Variants in MALRD1 observed in about 807,000 individuals in gnomAD.
The protein encoded by MALRD1 is MAM and LDL receptor class A domain containing 1.
In MALRD1, 247 loss-of-function variants were observed where a neutral mutation model predicts 242.1. The observed-to-expected ratio is 1.02, with a 90% CI of 0.92 to 1.13. The LOEUF is 1.13. MALRD1 is among the 50% of genes most tolerant of loss of function. The pLI, the probability that MALRD1 is intolerant of heterozygous loss-of-function variation, is 0.00. For synonymous variants in MALRD1, 995 were observed against 866.6 expected, an observed-to-expected ratio of 1.15 and a Z score of -2.60; for missense variants, 2,989 against 2,533.1, an observed-to-expected ratio of 1.18 and a Z score of -3.86.
intron 36 of MALRD1, among the ~76,000 whole-genome samples, chr10:19,627,975 T>A (rs1194356998): frequency 6.6e-6 from 1 of 151,804 alleles, no homozygotes; most frequent in Non-Finnish European, 1.5e-5. Context: ...CAAAATTATG[T>A]AACAGATAAA....
At chr10:19,266,036 T>A (rs544520563) in intron 19 of MALRD1, among the ~76,000 whole-genome samples, 3 of 151,964 alleles carry the variant, frequency 2.0e-5, no homozygotes, top group African/African-American at 7.2e-5. Context: ...CTTCCTGTGC[T>A]CTTTTCTGGT....
At chr10:19,682,064 A>G (rs1352629101) in intron 36 of MALRD1, among the ~76,000 whole-genome samples, 2 of 152,038 alleles carry the variant, frequency 1.3e-5, no homozygotes, top group Non-Finnish European at 2.9e-5. Context: ...TTTACTTCAG[A>G]CTTATTAGAA....
At chr10:19,619,965 C>T (rs931330266) in intron 36 of MALRD1, among the ~76,000 whole-genome samples, 1 of 151,468 alleles carries the variant, frequency 6.6e-6, no homozygotes, top group Admixed American at 6.6e-5. Flanking sequence ...TGCAATGAGT[C>T]GTGATCGTGC....
rs551922715 is a variant in MALRD1, at chr10:19,494,441, A to G, written c.5158+2796A>G. Among the ~76,000 whole-genome samples, 3 of 152,316 alleles carry G rather than the reference A, an allele frequency of 2.0e-5. No homozygotes were observed. The South Asian group carries it at 6.2e-4, about 32-fold the overall frequency. On this transcript the variant is annotated intron_variant, in intron 30 of 39. Transcript: ENST00000454679. ...GGTTCTTAATCAGGTGAGATGGCTG[A>G]AATGGCACACATAGAATTCAGAATA...
rs145753506 is a variant in MALRD1, at chr10:19,095,111, A to G, written c.597+6926A>G. On this transcript the variant is annotated intron_variant, in intron 4 of 39. Transcript: ENST00000454679. Reference sequence around the variant, plus strand: ...TGATATAAATCATATCATTTGTTATATGGTAGATTTAGCACTTGCTTAAAT... The same window carrying G: ...TGATATAAATCATATCATTTGTTATGTGGTAGATTTAGCACTTGCTTAAAT... Among the ~76,000 whole-genome samples the G allele has an allele frequency of 3.7e-3, 564 of 152,298 alleles. 1 individual carries two copies. Among genetic ancestry groups the G allele is most frequent in the Non-Finnish European group, 5.5e-3 (376 of 68,018 alleles).
At chr10:19,370,392 T>C (rs1276982609) in intron 26 of MALRD1, among the ~76,000 whole-genome samples, 1 of 152,138 alleles carries the variant, frequency 6.6e-6, no homozygotes, top group East Asian at 1.9e-4. Context: ...ATTCTTTCAT[T>C]TGTCTCAGTG....
At chr10:19,664,906 A>G (rs1456431399) in intron 36 of MALRD1, among the ~76,000 whole-genome samples, 1 of 152,118 alleles carries the variant, frequency 6.6e-6, no homozygotes, top group Non-Finnish European at 1.5e-5. Flanking sequence ...AAATAATATT[A>G]ATCATTCACC....
intron 36 of MALRD1, among the ~76,000 whole-genome samples, chr10:19,627,105 G>A (rs898162713): frequency 1.3e-5 from 2 of 152,092 alleles, no homozygotes; most frequent in Non-Finnish European, 2.9e-5. Context: ...GAGAATGGAT[G>A]AGTTGGAATA....
At chr10:19,416,591 G>A (rs1833521114) in intron 28 of MALRD1, among the ~76,000 whole-genome samples, 2 of 151,510 alleles carry the variant, frequency 1.3e-5, no homozygotes, top group Admixed American at 1.3e-4. Context: ...CAACAGTTTG[G>A]CAACAAAAGT....
At chr10:19,730,485 C>CA (rs1317153588) in intron 38 of MALRD1, 3 of 589,752 alleles carry the variant, frequency 5.1e-6, no homozygotes, top group Non-Finnish European at 9.1e-6. Context: ...TCTAAACACT[C>CA]AGAGTTCAAA....
In MALRD1 at chr10:19,705,804, T is replaced by TAAAAAA. The variant is rs61437328; in HGVS notation, c.6314+13259_6314+13264dup. ...ACCTTGTTCTCATGTCCTGCAATAG[T>TAAAAAA]AAAAAAAAAAAAAAGCCCACAAGAG... On this transcript the variant is annotated intron_variant, in intron 38 of 39. Coordinates refer to ENST00000454679, the MANE Select transcript of MALRD1 (RefSeq NM_001142308.3). 3.1e-4 allele frequency among the ~76,000 whole-genome samples: 32 copies of TAAAAAA among 102,876 alleles called. 2 individuals are homozygous for TAAAAAA. The highest frequency in any genetic ancestry group is 2.6e-3 in the South Asian group (7 of 2,714). The allele number at this position is 102,876 out of a possible 152,430, so 67.5% of individuals were successfully genotyped here. A position where few individuals can be genotyped will look rare whatever the true frequency, so the allele number is the denominator to read the frequency against.
intron 36 of MALRD1, among the ~76,000 whole-genome samples, chr10:19,684,193 T>A (rs991336198): frequency 6.6e-6 from 1 of 152,198 alleles, no homozygotes; most frequent in Non-Finnish European, 1.5e-5. Flanking sequence ...GTTGAAAATC[T>A]CCATCAGATT....
intron 38 of MALRD1, among the ~76,000 whole-genome samples, chr10:19,697,920 C>T (rs1279521696): frequency 6.6e-6 from 1 of 152,094 alleles, no homozygotes; most frequent in African/African-American, 2.4e-5. Flanking sequence ...TATTTAGATT[C>T]CCCAGGGTTT....
intron 33 of MALRD1, among the ~76,000 whole-genome samples, chr10:19,581,349 C>A (rs1837112707): frequency 6.8e-6 from 1 of 146,446 alleles, no homozygotes; most frequent in Non-Finnish European, 1.5e-5. Flanking sequence ...AGGTATATCT[C>A]CCAATGCTAT....
At chr10:19,195,487 C>A (rs7081309) in intron 14 of MALRD1, among the ~76,000 whole-genome samples, 65,127 of 151,886 alleles carry the variant, frequency 0.43, 14,408 homozygotes, top group Admixed American at 0.5. Context: ...AAACCTCTTC[C>A]TTGAACTCCA....
intron 38 of MALRD1, among the ~76,000 whole-genome samples, chr10:19,696,586 G>GA (rs531379614): frequency 7.9e-5 from 12 of 151,656 alleles, no homozygotes; most frequent in South Asian, 4.2e-4. Context: ...GTGTTCATTA[G>GA]AAAAAAAATG....
chr10:19,151,953 G>T (rs1375876739), intron 11 of MALRD1, among the ~76,000 whole-genome samples: 2 of 152,054 alleles, frequency 1.3e-5, no homozygotes, highest in Non-Finnish European at 2.9e-5. Context: ...ATAGAGACTG[G>T]CCTCTAACGT....
At chr10:19,517,015 T>C (rs926386361) in intron 31 of MALRD1, among the ~76,000 whole-genome samples, 9 of 152,212 alleles carry the variant, frequency 5.9e-5, no homozygotes, top group Admixed American at 1.3e-4. Context: ...AGGCTTTTCA[T>C]GTCATCAGGG....
intron 38 of MALRD1, among the ~76,000 whole-genome samples, chr10:19,727,754 A>G (rs1835101401): frequency 7.1e-6 from 1 of 141,504 alleles, no homozygotes; most frequent in Non-Finnish European, 1.5e-5. Flanking sequence ...CAAATACAGT[A>G]AGTCAAACAT....
Sources: allele counts gnomAD v4.1 joint callset (sites outside exome capture counted in the v4.1 genomes callset), GRCh38; gene constraint gnomAD v4.1.1; transcripts MANE v1.5; gene names NCBI Gene and HGNC (gene_info 2026-07-23, HGNC 2026-07-21).